Variants in SLC15A2 observed in about 807,000 individuals in gnomAD.
SLC15A2 encodes the protein solute carrier family 15 member 2, also known as kidney H(+)/peptide cotransporter.
Under a neutral mutation model 95.5 loss-of-function variants are expected in SLC15A2, and 77 were observed. The ratio of observed to expected loss-of-function variants is 0.81; its 90% CI spans 0.67 to 0.97. The LOEUF (loss-of-function observed/expected upper bound fraction) is 0.97, where lower values mean the gene tolerates loss of function less well. Ranked by LOEUF, SLC15A2 falls within the 50% of genes least tolerant of loss-of-function variation. The pLI is 0.00. For synonymous variants in SLC15A2, 306 were observed against 306.9 expected, an observed-to-expected ratio of 1.00 and a Z score of 0.03; for missense variants, 893 against 874.4, an observed-to-expected ratio of 1.02 and a Z score of -0.27.
At chr3:121,928,364 C>A in intron 14 of SLC15A2, 57 bp from the exon 15 acceptor site, 1 of 1,583,768 alleles carries the variant, frequency 6.3e-7, no homozygotes, top group Non-Finnish European at 8.6e-7. Flanking sequence ...ATATGTGTTG[C>A]CATTGTATCT....
chr3:121,911,636 T>C lies in SLC15A2; in HGVS notation c.398T>C (p.Leu133Ser). 2 of 1,613,578 alleles carry C rather than the reference T, an allele frequency of 1.2e-6. No individual in the cohort carries two copies. The highest frequency in any genetic ancestry group is 1.7e-6 in the Non-Finnish European group (2 of 1,179,470). ...CATGTGATCAAGTCCTTGGGTGCCT[T>C]ACCAATACTGGGAGGACAAGTGGTA... is the stretch of plus-strand genomic sequence containing the variant. ...LGHVIKSLGA[L>S]PILGGQVVHT... The change falls in exon 4 of 22, where the codon TTA becomes TCA. Residue 133 changes from leucine to serine, a missense_variant. Transcript: ENST00000489711.
intron 21 of SLC15A2, 73 bp downstream of exon 21, chr3:121,940,561 C>A (rs906312765): frequency 8.2e-7 from 1 of 1,220,950 alleles, no homozygotes. Context: ...CCCTTTCCCC[C>A]ATCTCTCTGC....
At chr3:121,908,051 C>T (rs1429674376) in intron 3 of SLC15A2, among the ~76,000 whole-genome samples, 2 of 152,230 alleles carry the variant, frequency 1.3e-5, no homozygotes, top group Non-Finnish European at 2.9e-5. Context: ...TCAAGCTTCC[C>T]CAGCTTCTTT....
At position 121,897,907 on chromosome 3, in the gene SLC15A2, A is replaced by G. The variant is rs1416032456; in HGVS notation, c.335+378A>G. Among the ~76,000 whole-genome samples the G allele has an allele frequency of 2.0e-5, 3 of 152,298 alleles. No individual in the cohort carries two copies. In the East Asian group the frequency reaches 5.8e-4, roughly 29 times the overall value. On this transcript the variant is annotated intron_variant, in intron 3 of 21. Coordinates refer to ENST00000489711, the MANE Select transcript of SLC15A2 (RefSeq NM_021082.4). ...CCAGGTGCGGTGGCTCACGCCTGTA[A>G]TCCCAGCACTTTGGGAGGCCGAGGC... is the stretch of plus-strand genomic sequence containing the variant.
chr3:121,918,800 G>A (rs546751212), intron 7 of SLC15A2, among the ~76,000 whole-genome samples: 32 of 152,330 alleles, frequency 2.1e-4, no homozygotes, highest in African/African-American at 7.5e-4. Context: ...CAACAAGGAG[G>A]TCACTGATAC....
rs145814457 is a variant in SLC15A2, at chr3:121,940,836, C to G, written c.2019C>G (p.Ala673=). Residue 673 remains alanine (A), a synonymous_variant, in exon 22 of 22, where the codon GCC becomes GCG. Transcript: ENST00000489711. ...VAQFSGLVQW[A]EFILFSCLLL... ...ATATTTATTTCCCCCTGCAGTGGGC[C>G]GAATTCATTTTGTTTTCCTGCCTCC... 1.2e-6 allele frequency: 2 copies of G among 1,611,244 alleles called. No individual in the cohort carries two copies. The highest frequency in any genetic ancestry group is 1.7e-6 in the Non-Finnish European group (2 of 1,179,006).
At chr3:121,925,862 T>C (rs1710112394) in intron 13 of SLC15A2, among the ~76,000 whole-genome samples, 1 of 146,012 alleles carries the variant, frequency 6.8e-6, no homozygotes, top group Admixed American at 6.9e-5. Flanking sequence ...AAAGAAAAAG[T>C]CCCTCCCCTG....
chr3:121,925,117 T>C (rs976842604), intron 13 of SLC15A2, 84 bp downstream of exon 13: 5 of 964,620 alleles, frequency 5.2e-6, no homozygotes, highest in Non-Finnish European at 8.3e-6. Context: ...GTCAGTATTT[T>C]TCTTAGTGAG....
At position 121,894,416 on chromosome 3, in the gene SLC15A2, C is replaced by A; in HGVS notation, c.-61C>A. 3 of 1,294,194 alleles carry A rather than the reference C, an allele frequency of 2.3e-6. No homozygotes were observed. The highest frequency in any genetic ancestry group is 3.3e-6 in the Non-Finnish European group (3 of 911,054). The allele number at this position is 1,294,194 out of a possible 1,614,324, so 80.2% of individuals were successfully genotyped here. On this transcript the variant is annotated 5_prime_UTR_variant, in exon 1 of 22. It adds an upstream start codon to the 5' untranslated region. Transcript: ENST00000489711. ...CCTTCTTTTCAGAGTAGGCTGGCAGCTGTCCTAACTGCCTACTAAAGCCAA... is the reference window on the plus strand; with the variant it reads ...CCTTCTTTTCAGAGTAGGCTGGCAGATGTCCTAACTGCCTACTAAAGCCAA...
chr3:121,922,155 G>A (rs1375209792), intron 7 of SLC15A2, 65 bp from the exon 8 acceptor site: 2 of 1,367,346 alleles, frequency 1.5e-6, no homozygotes, highest in African/African-American at 2.9e-5. Context: ...TGGCAAAACT[G>A]CAATAACCTT....
At chr3:121,920,846 A>G (rs1709992145) in intron 7 of SLC15A2, among the ~76,000 whole-genome samples, 1 of 152,206 alleles carries the variant, frequency 6.6e-6, no homozygotes, top group African/African-American at 2.4e-5. Context: ...GATACTGGAA[A>G]ATGCTACTTG....
intron 3 of SLC15A2, among the ~76,000 whole-genome samples, chr3:121,910,192 CT>C (rs35492489): frequency 4.7e-4 from 60 of 126,962 alleles, no homozygotes; most frequent in South Asian, 2.8e-3. Context: ...AGTCACCTAA[CT>C]TTTTTTTTTT....
At position 121,943,801 on chromosome 3, in the gene SLC15A2, A is replaced by G. The variant is rs374168152; in HGVS notation, c.*2794A>G. 6 of 152,242 alleles carry G rather than the reference A, an allele frequency of 3.9e-5. No homozygotes were observed. In the East Asian group the frequency reaches 9.6e-4, roughly 24 times the overall value. 9.4% of individuals were successfully genotyped at this position (152,242 alleles called of 1,614,324 possible). A position where few individuals can be genotyped will look rare whatever the true frequency, so the allele number is the denominator to read the frequency against. On this transcript the variant is annotated 3_prime_UTR_variant, in exon 22 of 22. Transcript: ENST00000489711. ...TATGGTATAGACTGTTTCTCCAGCT[A>G]TATGGTGTAGACTGTTTCTCCTAGG...
chr3:121,936,321 G>C (rs979821877), intron 19 of SLC15A2, among the ~76,000 whole-genome samples: 4 of 152,136 alleles, frequency 2.6e-5, no homozygotes, highest in African/African-American at 9.7e-5. Context: ...GGGTGTCCTT[G>C]TTGACTTTCT....
intron 8 of SLC15A2, 77 bp downstream of exon 8, chr3:121,922,379 C>T (rs774693149): frequency 3.8e-5 from 43 of 1,126,828 alleles, no homozygotes; most frequent in South Asian, 9.6e-5. Flanking sequence ...GGCCTTCAAA[C>T]GTGGGCATAC....
At chr3:121,904,665 A>G (rs2107574612) in intron 3 of SLC15A2, among the ~76,000 whole-genome samples, 1 of 152,232 alleles carries the variant, frequency 6.6e-6, no homozygotes, top group Non-Finnish European at 1.5e-5. Context: ...ATTGATTGGC[A>G]TATGTTGAAC....
intron 19 of SLC15A2, among the ~76,000 whole-genome samples, chr3:121,932,115 G>T (rs937803882): frequency 1.3e-5 from 2 of 152,038 alleles, no homozygotes; most frequent in Non-Finnish European, 2.9e-5. Flanking sequence ...TGTTGGCCAG[G>T]CTGGTCTCAA....
Position 121,931,710 on chromosome 3 carries a change from C to T in SLC15A2, c.1736C>T (p.Ala579Val). Residue 579 changes from alanine to valine, a missense_variant, in exon 19 of 22, where the codon GCA (alanine) becomes GTA (valine). Ala to Val is a moderately conservative substitution (Grantham distance 64, BLOSUM62 0). Transcript: ENST00000489711. ...SLNLGLLDFG[A>V]AYLFVITNNT... is the part of the protein sequence containing the mutation. ...AATTTGGGTCTTCTAGACTTTGGTG[C>T]AGCATATCTGTTTGTTATTACTAAT... The T allele has an allele frequency of 1.2e-6, 2 of 1,611,734 alleles. No individual in the cohort carries two copies. Among genetic ancestry groups the T allele is most frequent in the Non-Finnish European group, 1.7e-6 (2 of 1,177,902 alleles).
In SLC15A2 at chr3:121,930,899, A is replaced by G. The variant is rs1710220016; in HGVS notation, c.1613A>G (p.Asn538Ser). 2 of 1,613,614 alleles carry G rather than the reference A, an allele frequency of 1.2e-6. No individual in the cohort carries two copies. The highest frequency in any genetic ancestry group is 2.2e-5 in the East Asian group (1 of 44,894). ...TCCCTGAGTACAGATACCTCTCTCA[A>G]TGTTGGTGAAGACTATGGTGTGTCT... Reference protein sequence around the residue: ...NISLSTDTSLNVGEDYGVSAY... With the variant: ...NISLSTDTSLSVGEDYGVSAY... The change falls in exon 18 of 22, where the codon AAT becomes AGT. Residue 538 changes from asparagine (N) to serine (S), a missense_variant. Asn to Ser is a conservative substitution (Grantham distance 46). Coordinates refer to ENST00000489711, the MANE Select transcript of SLC15A2 (RefSeq NM_021082.4).
Sources: gnomAD v4.1 joint callset for allele counts (sites outside exome capture counted in the v4.1 genomes callset) on GRCh38, gnomAD v4.1.1 for gene constraint, MANE v1.5 for transcripts, NCBI Gene and HGNC (gene_info 2026-07-23, HGNC 2026-07-21) for gene names.